Variants in CLUL1 observed in about 807,000 individuals in gnomAD.
CLUL1 encodes clusterin-like protein 1.
CLUL1 carries 43 observed loss-of-function variants against 49.4 expected under a neutral mutation model. The observed-to-expected ratio is 0.87, with a 90% confidence interval of 0.68 to 1.12. The LOEUF is 1.12. Ranked by LOEUF, CLUL1 falls within the 50% of genes most tolerant of loss-of-function variation. The pLI is 0.00. For synonymous variants in CLUL1, 192 were observed against 184.9 expected, an observed-to-expected ratio of 1.04 and a Z score of -0.31; for missense variants, 486 against 544.4, an observed-to-expected ratio of 0.89 and a Z score of 1.07.
intron 2 of CLUL1, among the ~76,000 whole-genome samples, chr18:610,199 A>T (rs569047): frequency 0.84 from 128,366 of 152,186 alleles, 55,162 homozygotes; most frequent in East Asian, 0.98. Flanking sequence ...AAAACTTGAT[A>T]TTTAATTATG....
chr18:643,957 T>A (rs898419437), intron 8 of CLUL1, among the ~76,000 whole-genome samples: 1 of 152,212 alleles, frequency 6.6e-6, no homozygotes, highest in Non-Finnish European at 1.5e-5. Flanking sequence ...CGTAACCACT[T>A]TGCTAAACTG....
At chr18:635,656 G>T (rs2144133251) in intron 7 of CLUL1, among the ~76,000 whole-genome samples, 1 of 151,636 alleles carries the variant, frequency 6.6e-6, no homozygotes, top group African/African-American at 2.4e-5. Context: ...AAAAAGCATG[G>T]TCAGTGGAAA....
At chr18:604,194 T>TA (rs1483540053) in intron 1 of CLUL1, among the ~76,000 whole-genome samples, 2 of 152,238 alleles carry the variant, frequency 1.3e-5, no homozygotes, top group Non-Finnish European at 2.9e-5. Flanking sequence ...TTTTCATTCA[T>TA]ACTTTCTTTG....
At chr18:626,687 T>C (rs1226484992) in intron 5 of CLUL1, among the ~76,000 whole-genome samples, 1 of 150,344 alleles carries the variant, frequency 6.7e-6, no homozygotes, top group Non-Finnish European at 1.5e-5. Context: ...GGTAAAACCC[T>C]GTCTGTACTA....
intron 8 of CLUL1, among the ~76,000 whole-genome samples, chr18:642,617 T>C (rs1239758544): frequency 6.6e-6 from 1 of 152,106 alleles, no homozygotes; most frequent in Non-Finnish European, 1.5e-5. Flanking sequence ...ATGAGGCTGG[T>C]TTTGAGGGGT....
intron 4 of CLUL1, among the ~76,000 whole-genome samples, chr18:623,566 A>T (rs2073572075): frequency 6.7e-6 from 1 of 149,470 alleles, no homozygotes; most frequent in African/African-American, 2.5e-5. Flanking sequence ...AATCTCTTAA[A>T]CCTGGGAGAT....
intron 2 of CLUL1, among the ~76,000 whole-genome samples, chr18:613,446 A>T: frequency 6.8e-6 from 1 of 146,086 alleles, no homozygotes; most frequent in South Asian, 2.2e-4. Context: ...CAATAATTTT[A>T]GTTTAGTCTG....
chr18:605,461 G>C (rs2072944820), intron 1 of CLUL1, among the ~76,000 whole-genome samples: 1 of 151,722 alleles, frequency 6.6e-6, no homozygotes, highest in Non-Finnish European at 1.5e-5. Context: ...AACCCTGTGT[G>C]TACAAAAAAT....
chr18:625,904 T>A (rs2073673930), intron 5 of CLUL1, among the ~76,000 whole-genome samples: 1 of 152,202 alleles, frequency 6.6e-6, no homozygotes, highest in South Asian at 2.1e-4. Flanking sequence ...TCTGCTCTAT[T>A]TTTAGAGCTA....
intron 6 of CLUL1, among the ~76,000 whole-genome samples, chr18:631,919 G>C (rs1028932507): frequency 2.0e-4 from 30 of 152,242 alleles, no homozygotes; most frequent in African/African-American, 5.3e-4. Context: ...CAAAGAAGAG[G>C]GTCCAGGAAA....
intron 2 of CLUL1, among the ~76,000 whole-genome samples, chr18:613,861 CA>C (rs1402964418): frequency 6.6e-6 from 1 of 152,208 alleles, no homozygotes; most frequent in Non-Finnish European, 1.5e-5. Flanking sequence ...ACCTGCTCAG[CA>C]ATCTCTAAGC....
intron 9 of CLUL1, 26 bp downstream of exon 9, chr18:645,123 G>A (rs753456939): frequency 2.0e-6 from 3 of 1,514,266 alleles, no homozygotes; most frequent in Middle Eastern, 1.7e-4. Context: ...GGTTAGGAAT[G>A]CCTTGTTGAC....
At chr18:648,128 G>C (rs1282031021) in intron 9 of CLUL1, among the ~76,000 whole-genome samples, 2 of 152,200 alleles carry the variant, frequency 1.3e-5, no homozygotes, top group African/African-American at 4.8e-5. Flanking sequence ...GGAGTCTGAG[G>C]TTCACTCTAC....
rs1039558765 is a variant in CLUL1, at chr18:641,265, T to C, written c.995-62T>C. ...ATGTAAGGGCTGGGACTTAAGCCCA[T>C]GTTGCCCACCTCCAAGTTTCATGGA... is the stretch of plus-strand genomic sequence containing the variant. On this transcript the variant is annotated intron_variant, in intron 7 of 9. Coordinates refer to ENST00000692774, the MANE Select transcript of CLUL1 (RefSeq NM_001393344.1). 4 of 1,431,514 alleles carry C rather than the reference T, an allele frequency of 2.8e-6. No homozygotes were observed. The South Asian group carries it at 3.5e-5, about 13-fold the overall frequency. 88.7% of individuals were successfully genotyped at this position (1,431,514 alleles called of 1,614,324 possible). A position where few individuals can be genotyped will look rare whatever the true frequency, so the allele number is the denominator to read the frequency against.
intron 6 of CLUL1, among the ~76,000 whole-genome samples, chr18:631,549 A>ATGGATTGTGCTG (rs2073994784): frequency 6.6e-6 from 1 of 152,160 alleles, no homozygotes; most frequent in South Asian, 2.1e-4. Context: ...AAGCGAGGTG[A>ATGGATTGTGCTG]TGGATTGTGC....
At chr18:626,883 G>GAAA (rs370545530) in intron 5 of CLUL1, among the ~76,000 whole-genome samples, 1 of 25,354 alleles carries the variant, frequency 3.9e-5, no homozygotes, top group African/African-American at 2.1e-4. Flanking sequence ...AAGAAAGAAA[G>GAAA]AAAGAAAGAA....
At chr18:633,079 C>T (rs1378760627) in intron 6 of CLUL1, among the ~76,000 whole-genome samples, 1 of 152,168 alleles carries the variant, frequency 6.6e-6, no homozygotes. Flanking sequence ...ATCACTTGAA[C>T]CCGGGAGGCA....
intron 5 of CLUL1, among the ~76,000 whole-genome samples, 180 bp from the exon 6 acceptor site, chr18:626,917 A>G (rs1336022966): frequency 0.081 from 86 of 1,068 alleles, 9 homozygotes; most frequent in Non-Finnish European, 0.1. Context: ...GAAAGAAAGA[A>G]AGAAAGAAAG....
intron 4 of CLUL1, among the ~76,000 whole-genome samples, chr18:624,626 A>T (rs906946064): frequency 2.0e-5 from 3 of 152,196 alleles, no homozygotes; most frequent in African/African-American, 7.2e-5. Flanking sequence ...CTCAGTAAAT[A>T]CTTATTGAAC....
Sources: gnomAD v4.1 joint callset for allele counts (sites outside exome capture counted in the v4.1 genomes callset) on GRCh38, gnomAD v4.1.1 for gene constraint, MANE v1.5 for transcripts, NCBI Gene and HGNC (gene_info 2026-07-23, HGNC 2026-07-21) for gene names.